Variants in MITF observed in about 807,000 individuals in gnomAD.
MITF encodes melanocyte inducing transcription factor, also known as microphthalmia-associated transcription factor.
MITF carries 17 observed loss-of-function variants against 60.5 expected under a neutral mutation model. The ratio of observed to expected loss-of-function variants is 0.28; its 90% CI spans 0.19 to 0.42. The LOEUF (loss-of-function observed/expected upper bound fraction) is 0.42. Ranked by LOEUF, MITF falls within the 10% of genes least tolerant of loss-of-function variation. The pLI is 1.00. For synonymous variants in MITF, 260 were observed against 248.5 expected (o/e 1.05, Z -0.43); for missense variants, 622 against 683.5 (o/e 0.91, Z 1.00).
chr3:69,803,056 G>A (rs1217331498), intron 1 of MITF, among the ~76,000 whole-genome samples: 1 of 151,984 alleles, frequency 6.6e-6, no homozygotes, highest in Non-Finnish European at 1.5e-5. Flanking sequence ...GGATTACAGG[G>A]GTGAGCCACC....
intron 7 of MITF, among the ~76,000 whole-genome samples, chr3:69,955,496 T>C (rs1229144379): frequency 2.0e-5 from 3 of 152,100 alleles, no homozygotes; most frequent in African/African-American, 7.2e-5. Context: ...GCCCATGAGT[T>C]AAGAATGTTT....
rs982952310 is a variant in MITF at position 69,964,957 on chromosome 3, C to G, written c.1290C>G (p.Asn430Lys). 14 of 1,614,066 alleles carry G rather than the reference C, an allele frequency of 8.7e-6. No individual in the cohort carries two copies. The highest frequency in any genetic ancestry group is 4.0e-5 in the African/African-American group (3 of 74,916). The part of the protein sequence containing the change: ...RIIKQEPVLE[N>K]CSQDLLQHHA... ...TCAAGCAAGAACCCGTTCTTGAGAA[C>G]TGCAGCCAAGACCTCCTTCAGCATC... The change falls in exon 10 of 10, where the codon AAC becomes AAG. Residue 430 changes from asparagine (N) to lysine (K), a missense_variant. This residue lies in a region of MITF where 224 missense variants were observed against 209.5 expected (regional missense o/e 1.07). Coordinates refer to ENST00000352241, the MANE Select transcript of MITF (RefSeq NM_001354604.2).
chr3:69,853,711 A>G (rs954177011), intron 1 of MITF, among the ~76,000 whole-genome samples: 1 of 152,144 alleles, frequency 6.6e-6, no homozygotes, highest in Admixed American at 6.5e-5. Context: ...AACTTTAAAT[A>G]AATGGGGTCA....
At chr3:69,838,597 A>G (rs1432923260) in intron 1 of MITF, 4 of 152,500 alleles carry the variant, frequency 2.6e-5, no homozygotes, top group Non-Finnish European at 5.9e-5. Context: ...TCAACAGGCT[A>G]TTTTTCTGAG....
chr3:69,891,314 C>T (rs1401043840), intron 2 of MITF, among the ~76,000 whole-genome samples: 1 of 152,134 alleles, frequency 6.6e-6, no homozygotes, highest in Non-Finnish European at 1.5e-5. Flanking sequence ...AACATTCTGA[C>T]AAGACATTTA....
intron 1 of MITF, among the ~76,000 whole-genome samples, chr3:69,793,159 G>C (rs747596614): frequency 6.6e-6 from 1 of 151,344 alleles, no homozygotes; most frequent in Non-Finnish European, 1.5e-5. Flanking sequence ...AACTATAGGC[G>C]CTTGCCACCA....
intron 1 of MITF, among the ~76,000 whole-genome samples, chr3:69,792,033 G>A (rs561822332): frequency 2.0e-4 from 31 of 152,192 alleles, no homozygotes; most frequent in Non-Finnish European, 4.0e-4. Context: ...AGACGGATGT[G>A]CTGAATCCTC....
chr3:69,774,384 C>A lies in MITF; in HGVS notation c.104+34683C>A, dbSNP rs147226737. On this transcript the variant is annotated intron_variant, in intron 1 of 9. Coordinates refer to ENST00000352241, the MANE Select transcript of MITF (RefSeq NM_001354604.2). ...TCTTCTCCCTTCCACCAGAATATTT[C>A]TTCTACTTCCTGTGATGTTATAGTG... 5.9e-5 allele frequency among the ~76,000 whole-genome samples: 9 copies of A among 152,282 alleles called. No homozygotes were observed. The East Asian group carries it at 1.5e-3, about 26-fold the overall frequency.
At chr3:69,923,240 G>A (rs937504016) in intron 2 of MITF, among the ~76,000 whole-genome samples, 1 of 152,050 alleles carries the variant, frequency 6.6e-6, no homozygotes, top group African/African-American at 2.4e-5. Context: ...CTGAAAATGG[G>A]GATAATAACA....
chr3:69,743,699 T>C lies in MITF; in HGVS notation c.104+3998T>C, dbSNP rs373047525. ...CTTGTGTTCTCCTGGGAATGAGTTC[T>C]GAATGGTGGGTGGCAGAGGAAAAGC... On this transcript the variant is annotated intron_variant, in intron 1 of 9. Transcript: ENST00000352241. 9.8e-5 allele frequency among the ~76,000 whole-genome samples: 15 copies of C among 152,324 alleles called. No homozygotes were observed. In the East Asian group the frequency reaches 2.5e-3, roughly 25 times the overall value.
chr3:69,795,850 T>C (rs1178958429), intron 1 of MITF, among the ~76,000 whole-genome samples: 1 of 152,244 alleles, frequency 6.6e-6, no homozygotes, highest in African/African-American at 2.4e-5. Context: ...AATATAAGTA[T>C]ATAATACACA....
chr3:69,938,119 C>A, intron 3 of MITF, 70 bp downstream of exon 3: 1 of 1,492,278 alleles, frequency 6.7e-7, no homozygotes, highest in Non-Finnish European at 9.3e-7. Flanking sequence ...ATGATTCCCA[C>A]ACTTAACTGT....
chr3:69,926,526 C>T (rs565563050), intron 2 of MITF, among the ~76,000 whole-genome samples: 1 of 152,080 alleles, frequency 6.6e-6, no homozygotes, highest in African/African-American at 2.4e-5. Context: ...ATCTCTAATA[C>T]CCGATAAACT....
chr3:69,758,245 C>G (rs1360677395), intron 1 of MITF, among the ~76,000 whole-genome samples: 1 of 151,850 alleles, frequency 6.6e-6, no homozygotes, highest in African/African-American at 2.4e-5. Flanking sequence ...TCATAGCTTC[C>G]TATAGCCTCA....
At chr3:69,901,981 G>A (rs182612718) in intron 2 of MITF, among the ~76,000 whole-genome samples, 40 of 152,302 alleles carry the variant, frequency 2.6e-4, no homozygotes, top group Middle Eastern at 3.4e-3. Flanking sequence ...TGGGGCAATG[G>A]GTAGTAGTAA....
chr3:69,795,935 A>G (rs2106932028), intron 1 of MITF, among the ~76,000 whole-genome samples: 1 of 152,338 alleles, frequency 6.6e-6, no homozygotes, highest in African/African-American at 2.4e-5. Flanking sequence ...TTTACATCAT[A>G]AATCAAATCC....
rs893774376 is a variant in MITF, at chr3:69,857,742, A to G, written c.105-21392A>G. ...TACCCCAGAACATTTTTCTCTTAAT[A>G]ATCATGATATATCAGTTATGCATCT... is the stretch of plus-strand genomic sequence containing the variant. On this transcript the variant is annotated intron_variant, in intron 1 of 9. Coordinates refer to ENST00000352241, the MANE Select transcript of MITF (RefSeq NM_001354604.2). Among the ~76,000 whole-genome samples the G allele has an allele frequency of 3.3e-5, 5 of 152,196 alleles. 1 individual carries two copies. Among genetic ancestry groups the G allele is most frequent in the Non-Finnish European group, 7.4e-5 (5 of 68,012 alleles).
chr3:69,824,184 T>C (rs2262), intron 1 of MITF, among the ~76,000 whole-genome samples: 25,118 of 152,070 alleles, frequency 0.17, 2,237 homozygotes, highest in Non-Finnish European at 0.21. Context: ...ACAATTTGAA[T>C]GTACCCCAGG....
intron 2 of MITF, among the ~76,000 whole-genome samples, chr3:69,892,948 C>T (rs1255310457): frequency 6.6e-6 from 1 of 152,202 alleles, no homozygotes; most frequent in Admixed American, 6.5e-5. Flanking sequence ...TGTGGCCATC[C>T]TGCCCTTTCT....
Sources: gnomAD v4.1 joint callset for allele counts (sites outside exome capture counted in the v4.1 genomes callset) on GRCh38, gnomAD v4.1.1 for gene constraint, gnomAD v4.1.1 regional missense constraint, MANE v1.5 for transcripts, NCBI Gene and HGNC (gene_info 2026-07-23, HGNC 2026-07-21) for gene names.